B3GALT1: variants seen among roughly 807,000 people sequenced by gnomAD.
B3GALT1 encodes the protein beta-1,3-galactosyltransferase 1.
A neutral mutation model predicts 23.2 loss-of-function variants in B3GALT1; 10 were observed. The observed-to-expected ratio is 0.43, with a 90% CI of 0.27 to 0.73. The LOEUF is 0.73. Among genes scored for constraint, B3GALT1 ranks in the 30% least tolerant of loss-of-function variants. The pLI, the probability that B3GALT1 is intolerant of heterozygous loss-of-function variation, is 0.21. For missense variants in B3GALT1, 299 were observed against 405.4 expected (o/e 0.74, Z 2.25); for synonymous variants, 156 against 141.5 (o/e 1.10, Z -0.73).
intron 2 of B3GALT1, among the ~76,000 whole-genome samples, chr2:167,503,076 C>T (rs555539561): frequency 4.1e-4 from 63 of 151,938 alleles, no homozygotes; most frequent in East Asian, 3.9e-4. Flanking sequence ...AAATAAAATT[C>T]GACATGAGAT....
intron 2 of B3GALT1, among the ~76,000 whole-genome samples, chr2:167,614,879 T>C (rs1305565370): frequency 6.6e-6 from 1 of 151,938 alleles, no homozygotes; most frequent in African/African-American, 2.4e-5. Context: ...GATAGGTAGA[T>C]GGTAGGTAGG....
intron 1 of B3GALT1, among the ~76,000 whole-genome samples, chr2:167,455,337 G>GA: frequency 6.6e-6 from 1 of 152,222 alleles, no homozygotes; most frequent in South Asian, 2.1e-4. Flanking sequence ...AAAAGATTAT[G>GA]AAAATCTTAT....
intron 3 of B3GALT1, among the ~76,000 whole-genome samples, chr2:167,674,887 A>G (rs10173362): frequency 0.4 from 60,490 of 152,084 alleles, 13,283 homozygotes; most frequent in Middle Eastern, 0.61. Flanking sequence ...TATTTTTAAA[A>G]TATTTTTTCT....
At chr2:167,536,192 C>A (rs1683422054) in intron 2 of B3GALT1, among the ~76,000 whole-genome samples, 1 of 152,102 alleles carries the variant, frequency 6.6e-6, no homozygotes, top group African/African-American at 2.4e-5. Context: ...TAGGAGTGAG[C>A]CACCGCGCCC....
chr2:167,646,469 C>T (rs1685749829), intron 2 of B3GALT1, among the ~76,000 whole-genome samples: 1 of 152,196 alleles, frequency 6.6e-6, no homozygotes, highest in South Asian at 2.1e-4. Context: ...CCTCTTTGTC[C>T]AACTCACCAA....
chr2:167,536,225 T>C (rs1301475250), intron 2 of B3GALT1, among the ~76,000 whole-genome samples: 3 of 151,806 alleles, frequency 2.0e-5, no homozygotes, highest in Admixed American at 6.6e-5. Context: ...CAATTAGATA[T>C]TGCAGTCCAT....
intron 1 of B3GALT1, among the ~76,000 whole-genome samples, chr2:167,432,609 C>A (rs914500365): frequency 2.0e-5 from 3 of 152,150 alleles, no homozygotes; most frequent in Non-Finnish European, 2.9e-5. Flanking sequence ...AGGAAGCCTA[C>A]AAAGAATCTC....
At chr2:167,593,135 A>G (rs550711066) in intron 2 of B3GALT1, among the ~76,000 whole-genome samples, 2 of 152,238 alleles carry the variant, frequency 1.3e-5, no homozygotes, top group Admixed American at 6.5e-5. Context: ...CTAAACACTT[A>G]AGTACAAAGA....
rs1236776494 is a variant in B3GALT1, at chr2:167,647,362, AGCAGCAGCT to A, written c.-352+397_-352+405del. 4.0e-3 allele frequency among the ~76,000 whole-genome samples: 402 copies of A among 100,336 alleles called. 1 individual carries two copies. Among genetic ancestry groups the A allele is most frequent in the African/African-American group, 0.01 (357 of 35,248 alleles). The allele number at this position is 100,336 out of a possible 152,430, so 65.8% of individuals were successfully genotyped here. A position where few individuals can be genotyped will look rare whatever the true frequency, so the allele number is the denominator to read the frequency against. On this transcript the variant is annotated intron_variant, in intron 3 of 4. Coordinates refer to ENST00000392690, the MANE Select transcript of B3GALT1 (RefSeq NM_020981.4). ...GCCCTGAGGGGTATACTTCCCTCAA[AGCAGCAGCT>A]TACATGCTGTGTGGTACCCTGTAAC...
chr2:167,564,571 C>G (rs1435239066), intron 2 of B3GALT1, among the ~76,000 whole-genome samples: 2 of 152,218 alleles, frequency 1.3e-5, no homozygotes, highest in East Asian at 3.9e-4. Flanking sequence ...AGCCTGGGCA[C>G]CACCGAGCAC....
rs1367138493 is a variant in B3GALT1, at chr2:167,663,717, G to A, written c.-352+16751G>A. ...TGCATTTCTCTGATGGCCAGTGATG[G>A]TGAGCATTTTTTCATGTGTTTTTTG... On this transcript the variant is annotated intron_variant, in intron 3 of 4. Coordinates refer to ENST00000392690, the MANE Select transcript of B3GALT1 (RefSeq NM_020981.4). Among the ~76,000 whole-genome samples the A allele has an allele frequency of 5.9e-5, 9 of 151,898 alleles. No homozygotes were observed. The South Asian group carries it at 6.2e-4, about 11-fold the overall frequency.
rs140917741 is a variant in B3GALT1 at position 167,543,503 on chromosome 2, A to G, written c.-410+53226A>G. Among the ~76,000 whole-genome samples the G allele has an allele frequency of 1.4e-3, 214 of 152,316 alleles. 1 individual carries two copies. Among genetic ancestry groups the G allele is most frequent in the African/African-American group, 5.0e-3 (209 of 41,574 alleles). On this transcript the variant is annotated intron_variant, in intron 2 of 4. Transcript: ENST00000392690. ...CAATATAAAAAGATGTCTGAAAAAT[A>G]TAAGAAAAATTATGAAAAAAGCAAA... is the stretch of plus-strand genomic sequence containing the variant.
At chr2:167,725,812 C>G in intron 3 of B3GALT1, among the ~76,000 whole-genome samples, 1 of 152,246 alleles carries the variant, frequency 6.6e-6, no homozygotes, top group South Asian at 2.1e-4. Context: ...GAAGACCTTC[C>G]TGACAGAACC....
intron 2 of B3GALT1, among the ~76,000 whole-genome samples, chr2:167,610,889 T>G (rs1348866701): frequency 7.3e-6 from 1 of 137,890 alleles, no homozygotes; most frequent in Non-Finnish European, 1.5e-5. Context: ...TTCAGGAAAT[T>G]CTCTTCCTGG....
chr2:167,538,049 C>T (rs1399639992), intron 2 of B3GALT1, among the ~76,000 whole-genome samples: 1 of 152,032 alleles, frequency 6.6e-6, no homozygotes, highest in East Asian at 1.9e-4. Context: ...TATTGAACTC[C>T]TGACTTCAGG....
chr2:167,547,162 G>C (rs553843159), intron 2 of B3GALT1, among the ~76,000 whole-genome samples: 3 of 152,274 alleles, frequency 2.0e-5, no homozygotes, highest in East Asian at 1.9e-4. Flanking sequence ...TACTGCTGCT[G>C]TTGCTGCTGC....
chr2:167,526,811 T>A lies in B3GALT1; in HGVS notation c.-410+36534T>A, dbSNP rs548240119. ...ATTCAATTCATGGCCTTTGTCAGTA[T>A]TTTAGAAAACAGCAAAGAAAGATAA... On this transcript the variant is annotated intron_variant, in intron 2 of 4. Coordinates refer to ENST00000392690, the MANE Select transcript of B3GALT1 (RefSeq NM_020981.4). Among the ~76,000 whole-genome samples, 10 of 152,316 alleles carry A rather than the reference T, an allele frequency of 6.6e-5. No homozygotes were observed. The East Asian group carries it at 1.7e-3, about 26-fold the overall frequency.
chr2:167,666,728 C>A (rs1686197994), intron 3 of B3GALT1, among the ~76,000 whole-genome samples: 1 of 152,026 alleles, frequency 6.6e-6, no homozygotes, highest in South Asian at 2.1e-4. Flanking sequence ...CTCTTTTTAT[C>A]TTTGTTGGTT....
chr2:167,636,813 C>T (rs1685564700), intron 2 of B3GALT1, among the ~76,000 whole-genome samples: 1 of 151,968 alleles, frequency 6.6e-6, no homozygotes, highest in Non-Finnish European at 1.5e-5. Context: ...GGGAGAGGAA[C>T]ATCACACACT....
Sources: gnomAD v4.1 joint callset for allele counts (sites outside exome capture counted in the v4.1 genomes callset) on GRCh38, gnomAD v4.1.1 for gene constraint, MANE v1.5 for transcripts, NCBI Gene and HGNC (gene_info 2026-07-23, HGNC 2026-07-21) for gene names.